NFIX: variants seen among roughly 807,000 people sequenced by gnomAD.
NFIX encodes the protein nuclear factor I X.
A neutral mutation model predicts 53.3 loss-of-function variants in NFIX; 2 were observed. The ratio of observed to expected loss-of-function variants is 0.04; its 90% confidence interval spans 0.02 to 0.12. NFIX has a LOEUF of 0.12. NFIX is among the 10% of genes least tolerant of loss of function. The probability of loss-of-function intolerance (pLI) is 1.00; values close to 1 mark genes in which losing one functional copy is unlikely to be tolerated. For missense variants in NFIX, 310 were observed against 674.5 expected, an observed-to-expected ratio of 0.46 and a Z score of 5.99; for synonymous variants, 244 against 289.0, an observed-to-expected ratio of 0.84 and a Z score of 1.58.
At chr19:13,058,728 T>G (rs1247122854) in intron 2 of NFIX, among the ~76,000 whole-genome samples, 1 of 151,518 alleles carries the variant, frequency 6.6e-6, no homozygotes, top group Non-Finnish European at 1.5e-5. Flanking sequence ...GAAAAAAAGC[T>G]CAGGGCCCGG....
At chr19:13,035,344 A>G (rs1599758439) in intron 2 of NFIX, among the ~76,000 whole-genome samples, 1 of 152,232 alleles carries the variant, frequency 6.6e-6, no homozygotes, top group South Asian at 2.1e-4. Flanking sequence ...TGGAACTGTA[A>G]GCCTGCCTCC....
rs2011676392 is a variant in NFIX, at chr19:13,001,261, A to G, written c.27+5397A>G. On this transcript the variant is annotated intron_variant, in intron 1 of 10. Coordinates refer to ENST00000592199, the MANE Select transcript of NFIX (RefSeq NM_001365902.3). This position sits in a 1 kb window ranked among gnomAD's most constrained non-coding sequence, Gnocchi z 6.5. The stretch of plus-strand genomic sequence containing the variant: ...CCTCAGAGCCACCATTTTCCCGAGG[A>G]TGTCTGTGTGGCAGCGTGTGTCTGC... Among the ~76,000 whole-genome samples, 1 of 152,054 alleles carries G rather than the reference A, an allele frequency of 6.6e-6. No individual in the cohort carries two copies. Among genetic ancestry groups the G allele is most frequent in the South Asian group, 2.1e-4 (1 of 4,820 alleles).
chr19:13,051,232 G>C lies in NFIX; in HGVS notation c.560-21815G>C, dbSNP rs1307201953. Among the ~76,000 whole-genome samples, 1 of 152,204 alleles carries C rather than the reference G, an allele frequency of 6.6e-6. No homozygotes were observed. The highest frequency in any genetic ancestry group is 1.9e-4 in the East Asian group (1 of 5,192). On this transcript the variant is annotated intron_variant, in intron 2 of 10. Transcript: ENST00000592199. This position sits in a 1 kb window ranked among gnomAD's most constrained non-coding sequence, Gnocchi z 5.1. ...CCTATACCAGCCCCACTCAGGGCCA[G>C]AGGGCTCTAAATGAGTCACTCAGCT...
chr19:13,023,243 C>T (rs1358126323), intron 1 of NFIX, among the ~76,000 whole-genome samples: 1 of 151,668 alleles, frequency 6.6e-6, no homozygotes, highest in African/African-American at 2.4e-5. Flanking sequence ...CCAGTGCGCA[C>T]ACACACGCGC....
chr19:13,092,087 G>A (rs530416360), intron 10 of NFIX, among the ~76,000 whole-genome samples: 20 of 152,234 alleles, frequency 1.3e-4, no homozygotes, highest in Admixed American at 5.2e-4. Context: ...TGGAGCCCTC[G>A]GGCCTGGGGG....
At chr19:13,035,571 C>G (rs1250587740) in intron 2 of NFIX, among the ~76,000 whole-genome samples, 2 of 151,830 alleles carry the variant, frequency 1.3e-5, no homozygotes, top group East Asian at 3.9e-4. Flanking sequence ...TTGTCTGGGT[C>G]TTAGTACTAC....
chr19:13,052,112 T>C lies in NFIX; in HGVS notation c.560-20935T>C, dbSNP rs2015364717. Among the ~76,000 whole-genome samples the C allele has an allele frequency of 6.6e-6, 1 of 152,198 alleles. No homozygotes were observed. Among genetic ancestry groups the C allele is most frequent in the Non-Finnish European group, 1.5e-5 (1 of 68,032 alleles). On this transcript the variant is annotated intron_variant, in intron 2 of 10. Transcript: ENST00000592199. This position sits in a 1 kb window ranked among gnomAD's most constrained non-coding sequence, Gnocchi z 5.2. The stretch of plus-strand genomic sequence containing the variant: ...CATCCAGGTGGTGCCCGGGTTGATA[T>C]GCAGCTGCCTGCCCTTGCACCTCTG...
chr19:13,062,681 T>C (rs1350606840), intron 2 of NFIX, among the ~76,000 whole-genome samples: 1 of 152,198 alleles, frequency 6.6e-6, no homozygotes, highest in Non-Finnish European at 1.5e-5. Context: ...GGCTGTTTAG[T>C]TTCCAGCCTC....
rs2018244528 is a variant in NFIX, at chr19:13,093,127, G to A, written c.1495-1508G>A. Among the ~76,000 whole-genome samples the A allele has an allele frequency of 1.3e-5, 2 of 152,208 alleles. No homozygotes were observed. Among genetic ancestry groups the A allele is most frequent in the African/African-American group, 4.8e-5 (2 of 41,456 alleles). ...GTTTACATTTAAATTATTAACTAAA[G>A]AAAAATTTAGTTCCTCAGTTACAGT... On this transcript the variant is annotated intron_variant, in intron 10 of 10. Coordinates refer to ENST00000592199, the MANE Select transcript of NFIX (RefSeq NM_001365902.3). The surrounding 1 kb of genome is among the most constrained non-coding windows in gnomAD (Gnocchi z 4.7).
intron 8 of NFIX, among the ~76,000 whole-genome samples, chr19:13,083,666 G>A (rs1370477725): frequency 2.0e-5 from 3 of 152,194 alleles, no homozygotes; most frequent in African/African-American, 7.2e-5. Flanking sequence ...GATTAAGCAA[G>A]GAGTGTGGCC....
chr19:13,077,495 C>T (rs946578868), intron 6 of NFIX, among the ~76,000 whole-genome samples: 1 of 152,142 alleles, frequency 6.6e-6, no homozygotes, highest in African/African-American at 2.4e-5. Flanking sequence ...AGGATGCTCC[C>T]CCCTCCCCAC....
At chr19:13,030,222 A>C (rs2013696046) in intron 2 of NFIX, among the ~76,000 whole-genome samples, 1 of 152,162 alleles carries the variant, frequency 6.6e-6, no homozygotes, top group Non-Finnish European at 1.5e-5. Context: ...CTTTTAACCC[A>C]ATGTAGGGTC....
At chr19:13,018,716 C>T (rs930278021) in intron 1 of NFIX, among the ~76,000 whole-genome samples, 1 of 152,226 alleles carries the variant, frequency 6.6e-6, no homozygotes, top group African/African-American at 2.4e-5. Context: ...GCTGCCGCTG[C>T]GTCATGTCTG....
rs1016574713 is a variant in NFIX at position 13,073,204 on chromosome 19, C to T, written c.622+95C>T. 3 of 1,238,218 alleles carry T rather than the reference C, an allele frequency of 2.4e-6. No individual in the cohort carries two copies. Among genetic ancestry groups the T allele is most frequent in the Admixed American group, 1.7e-5 (1 of 59,354 alleles). The allele number at this position is 1,238,218 out of a possible 1,614,324, so 76.7% of individuals were successfully genotyped here. ...TGCCCTGGCCACCCTCACTTCTTCC[C>T]CTTCATTCAGCTGTCCCTTGACTGA... is the stretch of plus-strand genomic sequence containing the variant. On this transcript the variant is annotated intron_variant, in intron 3 of 10. Coordinates refer to ENST00000592199, the MANE Select transcript of NFIX (RefSeq NM_001365902.3). The surrounding 1 kb of genome is among the most constrained non-coding windows in gnomAD (Gnocchi z 4.5).
rs756478330 is a variant in NFIX, at chr19:13,037,854, A to G, written c.559+12302A>G. ...GAATCTAGTGGGAAGAGTCTACTGC[A>G]TATGACAGTCCCCCAGGAACAAAGA... On this transcript the variant is annotated intron_variant, in intron 2 of 10. Coordinates refer to ENST00000592199, the MANE Select transcript of NFIX (RefSeq NM_001365902.3). This position sits in a 1 kb window ranked among gnomAD's most constrained non-coding sequence, Gnocchi z 4.2. 3.0e-4 allele frequency among the ~76,000 whole-genome samples: 45 copies of G among 152,162 alleles called. No homozygotes were observed. Among genetic ancestry groups the G allele is most frequent in the Admixed American group, 1.6e-3 (25 of 15,288 alleles).
At chr19:13,083,297 C>G (rs973553160) in intron 8 of NFIX, among the ~76,000 whole-genome samples, 5 of 152,198 alleles carry the variant, frequency 3.3e-5, no homozygotes, top group African/African-American at 1.2e-4. Context: ...CTGGGATATG[C>G]CGCAGAGAGG....
chr19:12,998,924 A>G lies in NFIX; in HGVS notation c.27+3060A>G, dbSNP rs1422816474. Among the ~76,000 whole-genome samples the G allele has an allele frequency of 1.3e-5, 2 of 152,128 alleles. No homozygotes were observed. Among genetic ancestry groups the G allele is most frequent in the African/African-American group, 4.8e-5 (2 of 41,422 alleles). On this transcript the variant is annotated intron_variant, in intron 1 of 10. Transcript: ENST00000592199. The surrounding 1 kb of genome is among the most constrained non-coding windows in gnomAD (Gnocchi z 4.4). ...TTGTGTTCACAACCACCCCCAGCGC[A>G]CACATAAACACTCACAAACCCCTCG...
intron 8 of NFIX, among the ~76,000 whole-genome samples, chr19:13,086,856 G>A (rs1002659651): frequency 1.3e-5 from 2 of 152,232 alleles, no homozygotes; most frequent in African/African-American, 4.8e-5. Flanking sequence ...AAATCTGTGA[G>A]GACAGAACGA....
In NFIX at chr19:13,045,193, C is replaced by G. The variant is rs921059527; in HGVS notation, c.559+19641C>G. On this transcript the variant is annotated intron_variant, in intron 2 of 10. Coordinates refer to ENST00000592199, the MANE Select transcript of NFIX (RefSeq NM_001365902.3). The surrounding 1 kb of genome is among the most constrained non-coding windows in gnomAD (Gnocchi z 4.4). ...CACTTGTCATGGTGAGACAGTGGCT[C>G]TCTTCTGAGGGAGCTCCACAGCCAC... Among the ~76,000 whole-genome samples, 4 of 152,282 alleles carry G rather than the reference C, an allele frequency of 2.6e-5. No individual in the cohort carries two copies. The highest frequency in any genetic ancestry group is 2.1e-4 in the South Asian group (1 of 4,824).
Sources: gnomAD v4.1 joint callset for allele counts (sites outside exome capture counted in the v4.1 genomes callset) on GRCh38, gnomAD v4.1.1 for gene constraint, Gnocchi (gnomAD v3.1) non-coding constraint, MANE v1.5 for transcripts, NCBI Gene and HGNC (gene_info 2026-07-23, HGNC 2026-07-21) for gene names.